Variants in ARHGAP20 observed in about 807,000 individuals in gnomAD.
ARHGAP20 encodes the protein rho GTPase-activating protein 20.
ARHGAP20 carries 34 observed loss-of-function variants against 73.7 expected under a neutral mutation model. That is an observed-to-expected ratio of 0.46 (90% CI 0.35 to 0.61). The LOEUF (loss-of-function observed/expected upper bound fraction) is 0.61. Among genes scored for constraint, ARHGAP20 ranks in the 20% least tolerant of loss-of-function variants. ARHGAP20 has a pLI of 0.00. For missense variants in ARHGAP20, 1,314 were observed against 1,420.9 expected, an observed-to-expected ratio of 0.92 and a Z score of 1.21; for synonymous variants, 523 against 518.2, an observed-to-expected ratio of 1.01 and a Z score of -0.13.
chr11:110,579,116 T>A lies in ARHGAP20; in HGVS notation c.*254A>T. On this transcript the variant is annotated 3_prime_UTR_variant, in exon 15 of 15. Coordinates refer to ENST00000683387, the MANE Select transcript of ARHGAP20 (RefSeq NM_001384657.1). ...TTCTCTAGCCCTCTGTTAGTATCTC[T>A]AAAACCACATGACAGGACCAATCCC... The A allele has an allele frequency of 9.0e-7, 1 of 1,114,354 alleles. No homozygotes were observed. Among genetic ancestry groups the A allele is most frequent in the Non-Finnish European group, 1.1e-6 (1 of 908,530 alleles). The allele number at this position is 1,114,354 out of a possible 1,614,324, so 69.0% of individuals were successfully genotyped here.
intron 2 of ARHGAP20, among the ~76,000 whole-genome samples, chr11:110,665,733 T>C (rs533467991): frequency 1.3e-5 from 2 of 152,164 alleles, no homozygotes; most frequent in African/African-American, 2.4e-5. Flanking sequence ...AACTGATCAG[T>C]GCATGTATGC....
intron 2 of ARHGAP20, among the ~76,000 whole-genome samples, chr11:110,679,358 A>C (rs1418751101): frequency 6.6e-6 from 1 of 152,188 alleles, no homozygotes; most frequent in East Asian, 1.9e-4. Flanking sequence ...GGATTAGACA[A>C]GGGTATGAAT....
chr11:110,692,923 T>C (rs773867707), intron 1 of ARHGAP20, among the ~76,000 whole-genome samples: 37 of 151,946 alleles, frequency 2.4e-4, no homozygotes, highest in Non-Finnish European at 3.5e-4. Flanking sequence ...TGCATGCAAC[T>C]TCAGGGGTTC....
Position 110,577,591 on chromosome 11 carries a change from A to ACTT in ARHGAP20, c.*1776_*1778dup. 1 of 986,844 alleles carries ACTT rather than the reference A, an allele frequency of 1.0e-6. No individual in the cohort carries two copies. Among genetic ancestry groups the ACTT allele is most frequent in the Non-Finnish European group, 1.2e-6 (1 of 830,664 alleles). 61.1% of individuals were successfully genotyped at this position (986,844 alleles called of 1,614,324 possible). On this transcript the variant is annotated 3_prime_UTR_variant, in exon 15 of 15. Transcript: ENST00000683387. ...CTAAGGGAAAGGGGAGTCCCTGCTG[A>ACTT]CTTTATATATTATACCAAAAAAGAT...
At chr11:110,606,033 G>A (rs1284177695) in intron 9 of ARHGAP20, among the ~76,000 whole-genome samples, 2 of 152,164 alleles carry the variant, frequency 1.3e-5, no homozygotes, top group Admixed American at 1.3e-4. Context: ...TCATTCCAGA[G>A]TCTTTATTGT....
In ARHGAP20 at chr11:110,580,709, T is replaced by G; in HGVS notation, c.2237A>C (p.Asn746Thr). ...CTTTCCTTCCTCCTGGAGGGGTTGA[T>G]TCTGCTTCAGATAGTCTTCATCTTT... Reference protein sequence around the residue: ...SQKDEDYLKQNQPLQEEGKTC... With the variant: ...SQKDEDYLKQTQPLQEEGKTC... Residue 746 changes from asparagine (N) to threonine (T), a missense_variant, in exon 15 of 15, where the codon AAT (asparagine) becomes ACT (threonine). Around this residue, in one of 3 missense-constraint regions of ARHGAP20, gnomAD observed 641 missense variants for 636.9 expected, o/e 1.01. Transcript: ENST00000683387. 1 of 1,614,018 alleles carries G rather than the reference T, an allele frequency of 6.2e-7. No homozygotes were observed. Among genetic ancestry groups the G allele is most frequent in the Non-Finnish European group, 8.5e-7 (1 of 1,179,892 alleles).
At chr11:110,683,137 T>C (rs1215699749) in intron 2 of ARHGAP20, among the ~76,000 whole-genome samples, 1 of 152,194 alleles carries the variant, frequency 6.6e-6, no homozygotes, top group Non-Finnish European at 1.5e-5. Context: ...GATACATTTT[T>C]GTGCAATTTC....
intron 9 of ARHGAP20, among the ~76,000 whole-genome samples, chr11:110,602,222 C>CTTT (rs35937574): frequency 6.7e-6 from 1 of 149,950 alleles, no homozygotes; most frequent in African/African-American, 2.4e-5. Flanking sequence ...ACCACAACAT[C>CTTT]TTTTTTTTTT....
intron 9 of ARHGAP20, among the ~76,000 whole-genome samples, chr11:110,601,464 A>G (rs1948107647): frequency 6.6e-6 from 1 of 152,210 alleles, no homozygotes; most frequent in South Asian, 2.1e-4. Flanking sequence ...TACTTGTGTG[A>G]GCTCTGTTAT....
intron 1 of ARHGAP20, among the ~76,000 whole-genome samples, chr11:110,703,585 AACAG>A (rs1366428657): frequency 2.0e-5 from 3 of 152,182 alleles, no homozygotes; most frequent in African/African-American, 7.2e-5. Context: ...GTGATAATGT[AACAG>A]ACAGTAAACT....
Position 110,580,600 on chromosome 11 carries a change from C to A in ARHGAP20, c.2346G>T (p.Leu782Phe). 1 of 1,614,238 alleles carries A rather than the reference C, an allele frequency of 6.2e-7. No individual in the cohort carries two copies. Among genetic ancestry groups the A allele is most frequent in the Non-Finnish European group, 8.5e-7 (1 of 1,180,038 alleles). Residue 782 changes from leucine to phenylalanine, a missense_variant, in exon 15 of 15, where the codon TTG (leucine) becomes TTT (phenylalanine). By Grantham distance (22) the Leu-to-Phe change is conservative (BLOSUM62 0). This residue lies in a region of ARHGAP20 where 641 missense variants were observed against 636.9 expected (regional missense o/e 1.01). Transcript: ENST00000683387. ...TCACGTGATTTCCTTCACTACCAGA[C>A]AAGCTTTTCTTCTTAGTGTTTTGAG... ...ATTQNTKKKS[L>F]SGSEGNHVKL...
At chr11:110,630,523 T>C in intron 3 of ARHGAP20, 105 bp downstream of exon 3, 6 of 1,219,796 alleles carry the variant, frequency 4.9e-6, no homozygotes, top group South Asian at 4.5e-5. Flanking sequence ...TTACCTATAG[T>C]AACAAAGGCA....
chr11:110,589,621 G>T (rs1002556730), intron 11 of ARHGAP20: 1 of 985,440 alleles, frequency 1.0e-6, no homozygotes, highest in African/African-American at 1.7e-5. Flanking sequence ...TCTGCTTAAA[G>T]CTCATTTTGA....
intron 2 of ARHGAP20, among the ~76,000 whole-genome samples, chr11:110,655,011 G>GT: frequency 6.6e-6 from 1 of 152,134 alleles, no homozygotes; most frequent in African/African-American, 2.4e-5. Flanking sequence ...TGTCTACATG[G>GT]TGAGTTAGTA....
chr11:110,584,865 A>T (rs181075467), intron 12 of ARHGAP20, among the ~76,000 whole-genome samples: 6 of 151,248 alleles, frequency 4.0e-5, no homozygotes, highest in Admixed American at 3.3e-4. Context: ...ATGTGAATAT[A>T]TAAATGAATA....
chr11:110,582,281 G>A, intron 14 of ARHGAP20, 40 bp downstream of exon 14: 1 of 1,469,470 alleles, frequency 6.8e-7, no homozygotes, highest in East Asian at 2.3e-5. Flanking sequence ...ACAACCATGT[G>A]TCTGTTTCTC....
Position 110,712,169 on chromosome 11 carries a change from C to A in ARHGAP20, c.63G>T (p.Leu21=). The A allele has an allele frequency of 7.3e-7, 1 of 1,371,016 alleles. No individual in the cohort carries two copies. The highest frequency in any genetic ancestry group is 9.5e-7 in the Non-Finnish European group (1 of 1,056,472). The allele number at this position is 1,371,016 out of a possible 1,614,324, so 84.9% of individuals were successfully genotyped here. A position where few individuals can be genotyped will look rare whatever the true frequency, so the allele number is the denominator to read the frequency against. The change falls in exon 1 of 15, where the codon CTG becomes CTT. Residue 21 remains leucine (L), a synonymous_variant. Transcript: ENST00000683387. ...CTCCCGCGAGCCGAGACACTCCTGT[C>A]AGGGAAGAGGAGCGCCCCGGCTGTC... ...LGGQPGRSSS[L]TGVSRLAGGS...
At chr11:110,585,186 G>T (rs905346888) in intron 12 of ARHGAP20, among the ~76,000 whole-genome samples, 2 of 151,666 alleles carry the variant, frequency 1.3e-5, no homozygotes, top group Non-Finnish European at 2.9e-5. Context: ...CCTTTGAACT[G>T]GTTGTAACAT....
chr11:110,637,670 C>G (rs989490510), intron 2 of ARHGAP20, among the ~76,000 whole-genome samples: 4 of 152,046 alleles, frequency 2.6e-5, no homozygotes, highest in Non-Finnish European at 4.4e-5. Context: ...CAAGAGTTAT[C>G]AATCTGATAG....
Sources: gnomAD v4.1 joint callset for allele counts (sites outside exome capture counted in the v4.1 genomes callset) on GRCh38, gnomAD v4.1.1 for gene constraint, gnomAD v4.1.1 regional missense constraint, MANE v1.5 for transcripts, NCBI Gene and HGNC (gene_info 2026-07-23, HGNC 2026-07-21) for gene names.